Variants in SHOX observed in about 807,000 individuals in gnomAD.
SHOX encodes SHOX homeobox.
In SHOX, 12 loss-of-function variants were observed where a neutral mutation model predicts 29.6. That is an observed-to-expected ratio of 0.41 (90% CI 0.26 to 0.66). SHOX has a LOEUF of 0.66. SHOX is among the 30% of genes least tolerant of loss of function. SHOX has a pLI of 0.35. For synonymous variants in SHOX, 214 were observed against 200.6 expected, an observed-to-expected ratio of 1.07 and a Z score of -0.57; for missense variants, 499 against 437.7, an observed-to-expected ratio of 1.14 and a Z score of -1.25.
chrX:627,909 G>A (rs1192216068), upstream of SHOX, among the ~76,000 whole-genome samples: 4 of 152,164 alleles, frequency 2.6e-5, no homozygotes, highest in Admixed American at 2.0e-4. Context: ...GCTGTGAGAG[G>A]TTTACGGCGC....
chrX:637,576 C>A (rs28374508), intron 2 of SHOX, among the ~76,000 whole-genome samples: 133,093 of 151,724 alleles, frequency 0.88, 58,561 homozygotes, highest in African/African-American at 0.94. Context: ...ATAATAATAA[C>A]AACAAACATG....
intron 2 of SHOX, 44 bp downstream of exon 2, chrX:634,870 T>TA (rs760453087): frequency 6.5e-7 from 1 of 1,536,876 alleles, no homozygotes; most frequent in Non-Finnish European, 8.8e-7. Flanking sequence ...AGCCATCGCC[T>TA]GGTCCTCGGG....
intron 1 of SHOX, among the ~76,000 whole-genome samples, chrX:625,120 T>C (rs1407436700): frequency 7.2e-6 from 1 of 138,990 alleles, no homozygotes; most frequent in Non-Finnish European, 1.5e-5. Flanking sequence ...CTTTCTTTCT[T>C]TCTCTTTCTT....
In SHOX at chrX:656,859, AACT is replaced by A. The variant is rs1309183825; in HGVS notation, c.634-1925_634-1923del. On this transcript the variant is annotated intron_variant, in intron 5 of 5. Transcript: ENST00000334060. ...CTCCGTCTCAAAAAAAAAAAAAAAAAACTGCTGCCCAAGCTGTGTTTGCACCAC... is the reference window on the plus strand; with the variant it reads ...CTCCGTCTCAAAAAAAAAAAAAAAAAGCTGCCCAAGCTGTGTTTGCACCAC... Among the ~76,000 whole-genome samples the A allele has an allele frequency of 5.0e-4, 21 of 41,740 alleles. 7 individuals are homozygous for A. Among genetic ancestry groups the A allele is most frequent in the South Asian group, 3.9e-3 (4 of 1,026 alleles). 27.4% of individuals were successfully genotyped at this position (41,740 alleles called of 152,430 possible).
chrX:653,622 TAAA>T (rs34477233), downstream of SHOX, among the ~76,000 whole-genome samples: 502 of 148,588 alleles, frequency 3.4e-3, 1 homozygote, highest in African/African-American at 0.011. Context: ...TGACCACATT[TAAA>T]AAAAAAAAAA....
intron 1 of SHOX, 57 bp downstream of exon 1, chrX:631,231 C>G (rs2052643325): frequency 6.3e-7 from 1 of 1,595,984 alleles, no homozygotes; most frequent in African/African-American, 1.3e-5. Flanking sequence ...GGCGCCTCCT[C>G]GCCACGGAGT....
chrX:645,626 G>A lies in SHOX; in HGVS notation c.*990G>A, dbSNP rs1446245384. 1 of 152,028 alleles carries A rather than the reference G, an allele frequency of 6.6e-6. No individual in the cohort carries two copies. The highest frequency in any genetic ancestry group is 1.5e-5 in the Non-Finnish European group (1 of 68,000). 9.4% of individuals were successfully genotyped at this position (152,028 alleles called of 1,614,324 possible). On this transcript the variant is annotated 3_prime_UTR_variant, in exon 5 of 5. Transcript: ENST00000686671. ...GGAAAAGGCGTTACCTCTTCTCCCA[G>A]CGCTGGCCGCCTGGCCACTGAGGGC...
intron 1 of SHOX, among the ~76,000 whole-genome samples, chrX:624,935 C>CTTTCT (rs2052488331): frequency 1.8e-5 from 2 of 111,480 alleles, no homozygotes; most frequent in African/African-American, 3.5e-5. Context: ...TCTTTCTTTT[C>CTTTCT]TTTCTTTCAC....
chrX:651,860 G>C (rs1398914143), downstream of SHOX, among the ~76,000 whole-genome samples: 1 of 151,806 alleles, frequency 6.6e-6, no homozygotes. Flanking sequence ...AAAAAACAGA[G>C]GAAAAAGCCC....
chrX:639,577 C>T lies in SHOX; in HGVS notation c.487-1244C>T, dbSNP rs182077597. On this transcript the variant is annotated intron_variant, in intron 2 of 4. Coordinates refer to ENST00000686671, the MANE Select transcript of SHOX (RefSeq NM_000451.4). ...TACAGGGTCTACAGGAGTTGGGGGGCGGGGCGCCCACACAGAACGCTGGAA... is the reference window on the plus strand; with the variant it reads ...TACAGGGTCTACAGGAGTTGGGGGGTGGGGCGCCCACACAGAACGCTGGAA... Among the ~76,000 whole-genome samples, 681 of 152,322 alleles carry T rather than the reference C, an allele frequency of 4.5e-3. 1 individual carries two copies. The highest frequency in any genetic ancestry group is 7.8e-3 in the Admixed American group (120 of 15,310).
chrX:638,559 G>C (rs1894339), intron 2 of SHOX, among the ~76,000 whole-genome samples: 47,717 of 151,966 alleles, frequency 0.31, 7,866 homozygotes, highest in East Asian at 0.54. Context: ...TGACTTTGCT[G>C]GGAAACAGGA....
At chrX:635,880 GAGA>G (rs2052738194) in intron 2 of SHOX, among the ~76,000 whole-genome samples, 1 of 151,464 alleles carries the variant, frequency 6.6e-6, no homozygotes, top group Admixed American at 6.6e-5. Flanking sequence ...GAGAGAGAGA[GAGA>G]GACGGTCAGG....
chrX:653,500 A>C (rs2053096648), downstream of SHOX, among the ~76,000 whole-genome samples: 2 of 152,196 alleles, frequency 1.3e-5, no homozygotes, highest in South Asian at 4.1e-4. Flanking sequence ...CTTCCTGGAT[A>C]TCGCTTCCAG....
rs887638770 is a variant in SHOX at position 646,992 on chromosome X, A to G, written c.*2356A>G. On this transcript the variant is annotated 3_prime_UTR_variant, in exon 5 of 5. Coordinates refer to ENST00000686671, the MANE Select transcript of SHOX (RefSeq NM_000451.4). ...AAGGCTGAGTAATTTTGAAAAATCG[A>G]AACATAACAGTGTGTCATCATTTCC... Among the ~76,000 whole-genome samples, 1 of 152,096 alleles carries G rather than the reference A, an allele frequency of 6.6e-6. No individual in the cohort carries two copies. Among genetic ancestry groups the G allele is most frequent in the Non-Finnish European group, 1.5e-5 (1 of 68,032 alleles).
chrX:643,272 TGG>T, intron 4 of SHOX, among the ~76,000 whole-genome samples: 1 of 140,454 alleles, frequency 7.1e-6, no homozygotes, highest in African/African-American at 2.8e-5. Flanking sequence ...GGGAGAGGCT[TGG>T]GGACCTGGTG....
intron 2 of SHOX, among the ~76,000 whole-genome samples, 193 bp downstream of exon 2, chrX:635,019 G>A (rs969272665): frequency 6.6e-6 from 1 of 152,084 alleles, no homozygotes; most frequent in Non-Finnish European, 1.5e-5. Flanking sequence ...GGTTCATTGC[G>A]TTTGTTTTTC....
intron 2 of SHOX, 90 bp from the exon 3 acceptor site, chrX:640,730 TG>T: frequency 5.6e-6 from 8 of 1,437,834 alleles, no homozygotes; most frequent in Non-Finnish European, 7.8e-6. Context: ...AGGTGCAAAG[TG>T]CTTGGTTCAG....
upstream of SHOX, among the ~76,000 whole-genome samples, chrX:626,311 C>T (rs2052531829): frequency 7.1e-6 from 1 of 140,128 alleles, no homozygotes; most frequent in East Asian, 2.3e-4. Flanking sequence ...CTCTCTCTCT[C>T]CTCTCTTTTT....
chrX:640,739 C>A, intron 2 of SHOX, 82 bp from the exon 3 acceptor site: 2 of 1,520,634 alleles, frequency 1.3e-6, no homozygotes, highest in Non-Finnish European at 1.8e-6. Context: ...GTGCTTGGTT[C>A]AGCCTCATGG....
Sources: allele counts gnomAD v4.1 joint callset (sites outside exome capture counted in the v4.1 genomes callset), GRCh38; gene constraint gnomAD v4.1.1; transcripts MANE v1.5; gene names NCBI Gene and HGNC (gene_info 2026-07-23, HGNC 2026-07-21).